PIK3CA: variants seen among roughly 807,000 people sequenced by gnomAD.
PIK3CA encodes phosphatidylinositol-4,5-bisphosphate 3-kinase catalytic subunit alpha.
A neutral mutation model predicts 138.2 loss-of-function variants in PIK3CA; 27 were observed. The ratio of observed to expected loss-of-function variants is 0.20; its 90% CI spans 0.14 to 0.27. The LOEUF is 0.27. Among genes scored for constraint, PIK3CA ranks in the 10% least tolerant of loss-of-function variants. PIK3CA has a pLI of 1.00. For synonymous variants in PIK3CA, 358 were observed against 413.2 expected, an observed-to-expected ratio of 0.87 and a Z score of 1.62; for missense variants, 544 against 1,277.4, an observed-to-expected ratio of 0.43 and a Z score of 8.75.
At chr3:179,165,537 A>C (rs373812878) in intron 1 of PIK3CA, among the ~76,000 whole-genome samples, 4 of 152,272 alleles carry the variant, frequency 2.6e-5, no homozygotes, top group South Asian at 4.1e-4. Context: ...GATTGCAGGC[A>C]TGAGCCACTG....
At position 179,224,748 on chromosome 3, in the gene PIK3CA, G is replaced by A. The variant is rs2108417945; in HGVS notation, c.2343G>A (p.Leu781=). Residue 781 remains leucine (L), a synonymous_variant, in exon 16 of 21, where the codon TTG becomes TTA. Transcript: ENST00000263967. The part of the protein sequence containing the change: ...IMSSAKRPLW[L]NWENPDIMSE... ...CCTCTGCAAAAAGGCCACTGTGGTT[G>A]AATTGGGAGAACCCAGACATCATGT... The A allele has an allele frequency of 6.2e-7, 1 of 1,606,804 alleles. No individual in the cohort carries two copies. The highest frequency in any genetic ancestry group is 8.5e-7 in the Non-Finnish European group (1 of 1,173,748).
intron 9 of PIK3CA, 60 bp downstream of exon 9, chr3:179,210,625 C>T (rs1724687186): frequency 6.6e-7 from 1 of 1,512,716 alleles, no homozygotes; most frequent in East Asian, 2.3e-5. Flanking sequence ...TAGGTAGATA[C>T]TTTCTCTATG....
intron 9 of PIK3CA, among the ~76,000 whole-genome samples, chr3:179,217,161 T>A (rs1724854280): frequency 6.6e-6 from 1 of 152,130 alleles, no homozygotes; most frequent in Non-Finnish European, 1.5e-5. Flanking sequence ...TTGCAGTGTT[T>A]TCTCCATCTG....
At chr3:179,159,372 AG>A (rs1723218660) in intron 1 of PIK3CA, among the ~76,000 whole-genome samples, 1 of 152,214 alleles carries the variant, frequency 6.6e-6, no homozygotes. Flanking sequence ...GACATCACGA[AG>A]AGTTACAGCT....
At chr3:179,191,528 A>G (rs900990130) in intron 1 of PIK3CA, among the ~76,000 whole-genome samples, 5 of 152,210 alleles carry the variant, frequency 3.3e-5, no homozygotes, top group Non-Finnish European at 7.3e-5. Context: ...AGTTGTGCCA[A>G]TTGTGCTGAG....
intron 1 of PIK3CA, among the ~76,000 whole-genome samples, chr3:179,159,877 T>C (rs1289035683): frequency 6.6e-6 from 1 of 152,110 alleles, no homozygotes; most frequent in African/African-American, 2.4e-5. Flanking sequence ...CTGAATACCA[T>C]AGGAAAATGT....
intron 20 of PIK3CA, chr3:179,233,417 AT>A (rs75435014): frequency 0.12 from 37,028 of 306,020 alleles, 961 homozygotes; most frequent in Middle Eastern, 0.19. Flanking sequence ...AACTATTTTA[AT>A]TTTTTTTTTT....
chr3:179,234,006 C>T lies in PIK3CA; in HGVS notation c.2937-88C>T, dbSNP rs1453123908. 1.2e-6 allele frequency: 1 copy of T among 860,592 alleles called. No homozygotes were observed. Among genetic ancestry groups the T allele is most frequent in the Non-Finnish European group, 1.8e-6 (1 of 556,220 alleles). 53.3% of individuals were successfully genotyped at this position (860,592 alleles called of 1,614,324 possible). ...TTTTTATAGCTTTGTCTACGAAAGCCTCTCTAATTTTGTGACATTTGAGCA... is the reference window on the plus strand; with the variant it reads ...TTTTTATAGCTTTGTCTACGAAAGCTTCTCTAATTTTGTGACATTTGAGCA... On this transcript the variant is annotated intron_variant, in intron 20 of 20. Transcript: ENST00000263967. The surrounding 1 kb of genome is among the most constrained non-coding windows in gnomAD (Gnocchi z 5.1).
chr3:179,186,778 G>T (rs183377950), intron 1 of PIK3CA, among the ~76,000 whole-genome samples: 1 of 152,142 alleles, frequency 6.6e-6, no homozygotes, highest in Non-Finnish European at 1.5e-5. Context: ...GTAGGAAATC[G>T]CAGTAACATT....
intron 1 of PIK3CA, among the ~76,000 whole-genome samples, chr3:179,182,454 G>A (rs534252939): frequency 1.3e-5 from 2 of 152,188 alleles, no homozygotes; most frequent in East Asian, 3.9e-4. Flanking sequence ...GATCACCAGA[G>A]CCCAGGAGTT....
intron 9 of PIK3CA, among the ~76,000 whole-genome samples, chr3:179,215,317 GAA>G (rs1284521865): frequency 6.6e-6 from 1 of 152,050 alleles, no homozygotes; most frequent in Non-Finnish European, 1.5e-5. Context: ...TTTCTTAAAA[GAA>G]ATTTTATTTC....
intron 9 of PIK3CA, among the ~76,000 whole-genome samples, chr3:179,213,561 A>G (rs78338421): frequency 0.016 from 2,397 of 152,304 alleles, 92 homozygotes; most frequent in South Asian, 0.13. Context: ...ACGACAGTGA[A>G]GTTTGCCACA....
At chr3:179,193,845 C>A (rs1447868725) in intron 1 of PIK3CA, among the ~76,000 whole-genome samples, 1 of 152,168 alleles carries the variant, frequency 6.6e-6, no homozygotes, top group African/African-American at 2.4e-5. Context: ...AGAGTGGTTT[C>A]TTGACCCTTA....
intron 1 of PIK3CA, among the ~76,000 whole-genome samples, chr3:179,182,386 G>A (rs1462918717): frequency 2.6e-5 from 4 of 152,126 alleles, no homozygotes; most frequent in Non-Finnish European, 5.9e-5. Flanking sequence ...TGGCAGTATT[G>A]GCTGGGTGCT....
At chr3:179,199,270 G>T in intron 2 of PIK3CA, 93 bp downstream of exon 2, 1 of 738,730 alleles carries the variant, frequency 1.4e-6, no homozygotes, top group Non-Finnish European at 2.1e-6. Flanking sequence ...CAATACCTTC[G>T]TAATCTTAAA....
Position 179,210,128 on chromosome 3 carries a change from G to C in PIK3CA, c.1252-58G>C, listed in dbSNP as rs919257698. On this transcript the variant is annotated intron_variant, in intron 7 of 20. Coordinates refer to ENST00000263967, the MANE Select transcript of PIK3CA (RefSeq NM_006218.4). Reference sequence around the variant, plus strand: ...TGAATTTTCCTTTTGGGGAAGAAAAGTGTTTTGAAATGTGTTTTATAATTT... The same window carrying C: ...TGAATTTTCCTTTTGGGGAAGAAAACTGTTTTGAAATGTGTTTTATAATTT... The C allele has an allele frequency of 2.3e-6, 3 of 1,303,304 alleles. No homozygotes were observed. The African/African-American group carries it at 4.7e-5, about 20-fold the overall frequency. 80.7% of individuals were successfully genotyped at this position (1,303,304 alleles called of 1,614,324 possible). A position where few individuals can be genotyped will look rare whatever the true frequency, so the allele number is the denominator to read the frequency against.
Position 179,235,942 on chromosome 3 carries a change from T to C in PIK3CA, c.*1578T>C. On this transcript the variant is annotated 3_prime_UTR_variant, in exon 21 of 21. Coordinates refer to ENST00000263967, the MANE Select transcript of PIK3CA (RefSeq NM_006218.4). Reference sequence around the variant, plus strand: ...CTGTATTTGAAATGAATGATTAATGTCCTAGGAAATTAGCTTTAGCAGATG... The same window carrying C: ...CTGTATTTGAAATGAATGATTAATGCCCTAGGAAATTAGCTTTAGCAGATG... 4.8e-6 allele frequency: 1 copy of C among 209,358 alleles called. No individual in the cohort carries two copies. Among genetic ancestry groups the C allele is most frequent in the Non-Finnish European group, 9.7e-6 (1 of 102,848 alleles). 13.0% of individuals were successfully genotyped at this position (209,358 alleles called of 1,614,324 possible).
At position 179,194,182 on chromosome 3, in the gene PIK3CA, G is replaced by A. The variant is rs567348578; in HGVS notation, c.-76-4568G>A. ...AGAGAATTTAAAAATCATTTTAAAA[G>A]CATCATGTCATTTTTAGCTCAAAAT... is the stretch of plus-strand genomic sequence containing the variant. On this transcript the variant is annotated intron_variant, in intron 1 of 20. Transcript: ENST00000263967. 3.9e-5 allele frequency among the ~76,000 whole-genome samples: 6 copies of A among 152,232 alleles called. No individual in the cohort carries two copies. In the South Asian group the frequency reaches 1.2e-3, roughly 32 times the overall value.
At chr3:179,197,942 G>A (rs1184350296) in intron 1 of PIK3CA, among the ~76,000 whole-genome samples, 1 of 152,134 alleles carries the variant, frequency 6.6e-6, no homozygotes, top group East Asian at 1.9e-4. Flanking sequence ...ATTACAAACT[G>A]ATTGGAACAT....
Sources: allele counts gnomAD v4.1 joint callset (sites outside exome capture counted in the v4.1 genomes callset), GRCh38; gene constraint gnomAD v4.1.1; non-coding constraint Gnocchi (gnomAD v3.1); transcripts MANE v1.5; gene names NCBI Gene and HGNC (gene_info 2026-07-23, HGNC 2026-07-21).